The following GCFC2 variants were observed in gnomAD, a reference collection of about 807,000 sequenced individuals.
GCFC2 encodes GC-rich sequence DNA-binding factor 2.
In GCFC2, 102 loss-of-function variants were observed where a neutral mutation model predicts 99.4. The ratio of observed to expected loss-of-function variants is 1.03; its 90% CI spans 0.87 to 1.21. The LOEUF (loss-of-function observed/expected upper bound fraction) is 1.21. Ranked by LOEUF, GCFC2 falls within the 50% of genes most tolerant of loss-of-function variation. GCFC2 has a pLI of 0.00. For missense variants in GCFC2, 973 were observed against 920.9 expected (o/e 1.06, Z -0.73); for synonymous variants, 338 against 316.8 (o/e 1.07, Z -0.71).
intron 5 of GCFC2, among the ~76,000 whole-genome samples, chr2:75,695,633 GT>G (rs545517870): frequency 9.9e-4 from 150 of 152,194 alleles, no homozygotes; most frequent in Middle Eastern, 6.8e-3. Flanking sequence ...TATATATGCT[GT>G]TTTTTCCCTA....
At chr2:75,683,640 A>G (rs1679673183) in intron 11 of GCFC2, among the ~76,000 whole-genome samples, 1 of 152,130 alleles carries the variant, frequency 6.6e-6, no homozygotes, top group South Asian at 2.1e-4. Flanking sequence ...ATTAAAAGAC[A>G]CAGACTGGCA....
intron 15 of GCFC2, among the ~76,000 whole-genome samples, chr2:75,669,099 A>G (rs1038383060): frequency 1.1e-4 from 17 of 152,204 alleles, no homozygotes; most frequent in African/African-American, 4.1e-4. Context: ...TTATTTTCAC[A>G]TATTTTAAGG....
rs377633094 is a variant in GCFC2, at chr2:75,664,672, T to C, written c.2340A>G (p.Glu780=). Residue 780 remains glutamate, a synonymous_variant, in exon 17 of 17, where the codon GAA becomes GAG. Transcript: ENST00000321027. ...ATTTTCCAATAAAGTTTATTCAATC[T>C]TCTTTAATTAGTGATTTAAGATGGT... ...HLDHLKSLIK[E]D The C allele has an allele frequency of 6.4e-5, 84 of 1,317,950 alleles. No homozygotes were observed. Among genetic ancestry groups the C allele is most frequent in the Non-Finnish European group, 8.4e-5 (77 of 920,684 alleles). 81.6% of individuals were successfully genotyped at this position (1,317,950 alleles called of 1,614,324 possible). A position where few individuals can be genotyped will look rare whatever the true frequency, so the allele number is the denominator to read the frequency against.
chr2:75,686,533 G>A (rs900465565), intron 11 of GCFC2, among the ~76,000 whole-genome samples: 1 of 152,164 alleles, frequency 6.6e-6, no homozygotes, highest in African/African-American at 2.4e-5. Context: ...CTTGAGGCCA[G>A]GAGTTTGAGA....
At chr2:75,683,788 A>G (rs546701403) in intron 11 of GCFC2, among the ~76,000 whole-genome samples, 121 of 150,800 alleles carry the variant, frequency 8.0e-4, no homozygotes, top group African/African-American at 2.6e-3. Flanking sequence ...AAAAAAAAAA[A>G]AAAAGAAAAA....
At chr2:75,688,045 A>G (rs1679898432) in intron 10 of GCFC2, 68 bp from the exon 11 acceptor site, 1 of 938,784 alleles carries the variant, frequency 1.1e-6, no homozygotes, top group South Asian at 1.7e-5. Context: ...AATAGTTATT[A>G]TTTTTTTCAA....
chr2:75,706,703 A>T (rs1242317412), intron 1 of GCFC2, 52 bp from the exon 2 acceptor site: 1 of 1,274,732 alleles, frequency 7.8e-7, no homozygotes, highest in Admixed American at 1.9e-5. Flanking sequence ...TAATGGAATT[A>T]TTAATTGAAA....
chr2:75,683,235 C>T (rs1679655017), intron 11 of GCFC2, among the ~76,000 whole-genome samples: 1 of 151,924 alleles, frequency 6.6e-6, no homozygotes. Context: ...ATCAGACTAA[C>T]AGCGGATCTC....
intron 5 of GCFC2, 136 bp from the exon 6 acceptor site, chr2:75,694,563 A>C (rs551743197): frequency 3.8e-4 from 149 of 395,794 alleles, no homozygotes; most frequent in African/African-American, 2.2e-3. Context: ...TAAGCAAAGA[A>C]CACCACAATA....
chr2:75,673,577 A>C (rs979012553), intron 12 of GCFC2, 57 bp from the exon 13 acceptor site: 10 of 765,496 alleles, frequency 1.3e-5, no homozygotes, highest in African/African-American at 8.7e-5. Context: ...TATTTACCAA[A>C]AAAAAAGTAA....
Position 75,701,295 on chromosome 2 carries a change from A to G in GCFC2, c.620-8T>C, listed in dbSNP as rs747829483. ...TTTCTTCATTTCTGCTTACTAGCGG[A>G]AAAAAAGCTCACATGTAAACGTTTA... On this transcript the variant is annotated splice_polypyrimidine_tract_variant and splice_region_variant and intron_variant, in intron 3 of 16. Coordinates refer to ENST00000321027, the MANE Select transcript of GCFC2 (RefSeq NM_003203.5). The G allele has an allele frequency of 5.3e-6, 8 of 1,520,776 alleles. No individual in the cohort carries two copies. The African/African-American group carries it at 6.9e-5, about 13-fold the overall frequency. 94.2% of individuals were successfully genotyped at this position (1,520,776 alleles called of 1,614,324 possible). A position where few individuals can be genotyped will look rare whatever the true frequency, so the allele number is the denominator to read the frequency against.
chr2:75,710,569 T>C, intron 1 of GCFC2, 22 bp downstream of exon 1: 1 of 1,482,998 alleles, frequency 6.7e-7, no homozygotes. Context: ...ACCTCCCCGC[T>C]TCCCCGCGTC....
chr2:75,701,436 C>T, intron 3 of GCFC2, 149 bp from the exon 4 acceptor site: 1 of 601,052 alleles, frequency 1.7e-6, no homozygotes, highest in Non-Finnish European at 2.9e-6. Context: ...GGCACTATTA[C>T]TGCCCTCATT....
upstream of GCFC2, chr2:75,711,078 C>T (rs1681165395): frequency 1.5e-5 from 19 of 1,306,308 alleles, no homozygotes; most frequent in East Asian, 5.8e-4. Flanking sequence ...CAAAGCATTC[C>T]CTTTGCCAGG....
At chr2:75,672,898 C>T (rs1358520617) in intron 13 of GCFC2, among the ~76,000 whole-genome samples, 1 of 152,182 alleles carries the variant, frequency 6.6e-6, no homozygotes, top group Non-Finnish European at 1.5e-5. Context: ...AAACCAAAAC[C>T]AACCAAACAA....
At chr2:75,704,953 C>T (rs921013476) in intron 2 of GCFC2, among the ~76,000 whole-genome samples, 1 of 152,188 alleles carries the variant, frequency 6.6e-6, no homozygotes, top group Non-Finnish European at 1.5e-5. Context: ...AGACATGAGC[C>T]ATGGCACCTA....
At chr2:75,708,793 G>A (rs1680984235) in intron 1 of GCFC2, among the ~76,000 whole-genome samples, 1 of 152,064 alleles carries the variant, frequency 6.6e-6, no homozygotes, top group Admixed American at 6.6e-5. Context: ...ACAGGTGTGA[G>A]CCACTGTGCC....
At chr2:75,700,419 T>C (rs1680534118) in intron 4 of GCFC2, among the ~76,000 whole-genome samples, 1 of 152,072 alleles carries the variant, frequency 6.6e-6, no homozygotes, top group South Asian at 2.1e-4. Flanking sequence ...ATATAAATGA[T>C]ATATATTATC....
At chr2:75,700,370 A>T (rs1680531904) in intron 4 of GCFC2, among the ~76,000 whole-genome samples, 1 of 152,178 alleles carries the variant, frequency 6.6e-6, no homozygotes, top group Non-Finnish European at 1.5e-5. Flanking sequence ...GTTCACTACA[A>T]TAAAAAATTA....
Sources: gnomAD v4.1 joint callset for allele counts (sites outside exome capture counted in the v4.1 genomes callset) on GRCh38, gnomAD v4.1.1 for gene constraint, MANE v1.5 for transcripts, NCBI Gene and HGNC (gene_info 2026-07-23, HGNC 2026-07-21) for gene names.